The following UBA52 variants were observed in gnomAD, a reference collection of about 807,000 sequenced individuals.
UBA52 encodes the protein ubiquitin-ribosomal protein eL40 fusion protein.
A neutral mutation model predicts 15.3 loss-of-function variants in UBA52; 1 was observed. The ratio of observed to expected loss-of-function variants is 0.07; its 90% CI spans 0.02 to 0.31. The LOEUF (loss-of-function observed/expected upper bound fraction) is 0.31. Ranked by LOEUF, UBA52 falls within the 10% of genes least tolerant of loss-of-function variation. UBA52 has a pLI of 1.00. For synonymous variants in UBA52, 50 were observed against 58.3 expected, an observed-to-expected ratio of 0.86 and a Z score of 0.65; for missense variants, 87 against 168.0, an observed-to-expected ratio of 0.52 and a Z score of 2.66.
chr19:18,570,780 C>T (rs1222488048), upstream of UBA52, among the ~76,000 whole-genome samples: 4 of 151,732 alleles, frequency 2.6e-5, no homozygotes, highest in African/African-American at 9.7e-5. Flanking sequence ...CTCTGCCTCC[C>T]GGGTTCAAGC....
chr19:18,570,501 G>GT (rs1975441034), upstream of UBA52, among the ~76,000 whole-genome samples: 2 of 138,168 alleles, frequency 1.4e-5, no homozygotes, highest in Admixed American at 1.5e-4. Flanking sequence ...TGCACCCGCC[G>GT]TGGCACTTTT....
chr19:18,569,743 T>C (rs1274926649), upstream of UBA52, among the ~76,000 whole-genome samples: 2 of 151,728 alleles, frequency 1.3e-5, no homozygotes, highest in East Asian at 1.9e-4. Context: ...TTAGAAATTA[T>C]GTTGTTATGA....
At chr19:18,567,107 C>G, upstream of UBA52, 1 of 1,613,194 alleles carries the variant, frequency 6.2e-7, no homozygotes, top group South Asian at 1.1e-5. Context: ...CAGGTTAAGC[C>G]CTGTGTGCCT....
chr19:18,568,237 A>C (rs939119457), upstream of UBA52, among the ~76,000 whole-genome samples: 2 of 149,674 alleles, frequency 1.3e-5, no homozygotes, highest in Non-Finnish European at 1.5e-5. Flanking sequence ...ATTGCACTCT[A>C]GCCTGGGCAA....
chr19:18,576,750 C>T lies in UBA52; in HGVS notation c.*1600C>T, dbSNP rs1055931081. 1.3e-5 allele frequency: 2 copies of T among 151,164 alleles called. No individual in the cohort carries two copies. Among genetic ancestry groups the T allele is most frequent in the Non-Finnish European group, 2.9e-5 (2 of 67,916 alleles). The allele number at this position is 151,164 out of a possible 1,614,324, so 9.4% of individuals were successfully genotyped here. On this transcript the variant is annotated 3_prime_UTR_variant, in exon 5 of 5. Coordinates refer to ENST00000442744, the MANE Select transcript of UBA52 (RefSeq NM_001033930.3). Reference sequence around the variant, plus strand: ...AGTCTCGGCTCACTGCAGCTTCTGCCTCTCGGGTTCAAGCGATTCTCCTTT... The same window carrying T: ...AGTCTCGGCTCACTGCAGCTTCTGCTTCTCGGGTTCAAGCGATTCTCCTTT...
chr19:18,572,320 CTT>C (rs1165604954), intron 1 of UBA52: 1 of 152,184 alleles, frequency 6.6e-6, no homozygotes, highest in Non-Finnish European at 1.5e-5. Context: ...GCTTTTTAGA[CTT>C]TTCTTTAGAC....
At chr19:18,564,801 C>G in the UBA52 span, 1 of 1,570,144 alleles carries the variant, frequency 6.4e-7, no homozygotes, top group Non-Finnish European at 8.7e-7. Context: ...CATGAACAGT[C>G]TTCTGGGCCA....
the UBA52 span, chr19:18,564,803 T>TCAAC: frequency 2.5e-6 from 4 of 1,584,830 alleles, no homozygotes; most frequent in Non-Finnish European, 3.4e-6. Flanking sequence ...TGAACAGTCT[T>TCAAC]CTGGGCCAGG....
At chr19:18,573,448 C>T (rs1055718176) in intron 2 of UBA52, 45 bp downstream of exon 2, 6 of 1,523,038 alleles carry the variant, frequency 3.9e-6, no homozygotes, top group Admixed American at 3.5e-5. Context: ...AACTGGGAGT[C>T]CCTCTCTGCC....
upstream of UBA52, among the ~76,000 whole-genome samples, chr19:18,571,224 T>G (rs534195259): frequency 3.1e-4 from 46 of 149,662 alleles, no homozygotes; most frequent in Non-Finnish European, 5.6e-4. Flanking sequence ...GCAGGAGAAT[T>G]GCTTGAACCC....
upstream of UBA52, among the ~76,000 whole-genome samples, chr19:18,571,122 C>A (rs1357022191): frequency 6.6e-6 from 1 of 151,076 alleles, no homozygotes; most frequent in Non-Finnish European, 1.5e-5. Context: ...ACCAGCCTGA[C>A]CAACATGGAG....
upstream of UBA52, among the ~76,000 whole-genome samples, chr19:18,570,525 T>G (rs1407362403): frequency 7.7e-5 from 11 of 143,126 alleles, no homozygotes; most frequent in African/African-American, 2.9e-4. Flanking sequence ...TTTTTTTTTT[T>G]TTTTTGAGAT....
chr19:18,567,009 A>G (rs1975275663), upstream of UBA52: 1 of 776,514 alleles, frequency 1.3e-6, no homozygotes, highest in Non-Finnish European at 2.2e-6. Context: ...GGTGATGAAC[A>G]GTGTGGGGGT....
chr19:18,566,863 C>T (rs528476343), upstream of UBA52, among the ~76,000 whole-genome samples: 3 of 152,254 alleles, frequency 2.0e-5, no homozygotes, highest in East Asian at 3.9e-4. Flanking sequence ...GAGCCCCCAG[C>T]CAGTGCCTAG....
upstream of UBA52, chr19:18,568,930 T>C: frequency 2.3e-6 from 1 of 433,452 alleles, no homozygotes; most frequent in Non-Finnish European, 4.2e-6. Context: ...GAGCTGAGCC[T>C]GACGTCTGCT....
At position 18,575,179 on chromosome 19, in the gene UBA52, C is replaced by G. The variant is rs781309085; in HGVS notation, c.*29C>G. 1.2e-6 allele frequency: 2 copies of G among 1,613,712 alleles called. No individual in the cohort carries two copies. Among genetic ancestry groups the G allele is most frequent in the Admixed American group, 3.3e-5 (2 of 60,002 alleles). ...GGTTCTTTCCTTGAAGGGCAGCCTC[C>G]TGCCCAGGCCCCGTGGCCCTGGAGC... On this transcript the variant is annotated 3_prime_UTR_variant, in exon 5 of 5. Transcript: ENST00000442744.
upstream of UBA52, chr19:18,567,094 C>G: frequency 1.2e-6 from 2 of 1,604,162 alleles, no homozygotes; most frequent in East Asian, 4.5e-5. Flanking sequence ...CCTACCTGCT[C>G]AGCAGGTTAA....
chr19:18,573,260 C>T (rs761431940), intron 1 of UBA52, 33 bp from the exon 2 acceptor site: 15 of 1,598,494 alleles, frequency 9.4e-6, no homozygotes, highest in Non-Finnish European at 1.0e-5. Context: ...ATGCATTGCT[C>T]ACCAGTCTAT....
At chr19:18,574,551 G>A (rs948357795) in intron 3 of UBA52, among the ~76,000 whole-genome samples, 18 of 152,216 alleles carry the variant, frequency 1.2e-4, no homozygotes, top group Admixed American at 9.8e-4. Flanking sequence ...ATGGTGCCCC[G>A]CCTAGACTTC....
Sources: gnomAD v4.1 joint callset for allele counts (sites outside exome capture counted in the v4.1 genomes callset) on GRCh38, gnomAD v4.1.1 for gene constraint, MANE v1.5 for transcripts, NCBI Gene and HGNC (gene_info 2026-07-23, HGNC 2026-07-21) for gene names.